The following PKD1L1 variants were observed in gnomAD, a reference collection of about 807,000 sequenced individuals.
PKD1L1 encodes polycystin 1 like 1, transient receptor potential channel interacting, also known as polycystin-1-like protein 1.
Under a neutral mutation model 323.4 loss-of-function variants are expected in PKD1L1, and 236 were observed. The observed-to-expected ratio is 0.73, with a 90% confidence interval of 0.66 to 0.81. The LOEUF is 0.81. PKD1L1 is among the 40% of genes least tolerant of loss of function. The pLI, the probability that PKD1L1 is intolerant of heterozygous loss-of-function variation, is 0.00. For synonymous variants in PKD1L1, 1,344 were observed against 1,335.0 expected, an observed-to-expected ratio of 1.01 and a Z score of -0.15; for missense variants, 3,320 against 3,508.0, an observed-to-expected ratio of 0.95 and a Z score of 1.35.
intron 33 of PKD1L1, among the ~76,000 whole-genome samples, chr7:47,844,501 A>G (rs957659212): frequency 1.3e-5 from 2 of 152,246 alleles, no homozygotes; most frequent in Non-Finnish European, 2.9e-5. Context: ...CTTTACTCAT[A>G]TCTCAGAGTC....
chr7:47,930,337 C>G (rs1458537000), intron 6 of PKD1L1, among the ~76,000 whole-genome samples: 1 of 151,854 alleles, frequency 6.6e-6, no homozygotes, highest in Non-Finnish European at 1.5e-5. Context: ...AACCCGGTCT[C>G]TACTAAAAAT....
intron 4 of PKD1L1, among the ~76,000 whole-genome samples, chr7:47,934,261 A>C (rs1787825931): frequency 6.6e-6 from 1 of 152,210 alleles, no homozygotes; most frequent in African/African-American, 2.4e-5. Context: ...ATTGAATCAC[A>C]ATCAATAAAA....
Position 47,803,323 on chromosome 7 carries a change from T to C in PKD1L1, c.7849A>G (p.Ile2617Val), listed in dbSNP as rs1784707217. The C allele has an allele frequency of 1.9e-6, 3 of 1,613,892 alleles. No homozygotes were observed. The highest frequency in any genetic ancestry group is 1.3e-5 in the African/African-American group (1 of 74,996). ...WNQRARWLRG[I>V]LLFLFTLKCV... The stretch of plus-strand genomic sequence containing the variant: ...TTTAATGTGAAGAGGAATAAGAGGA[T>C]TCCCCGGAGCCATCGAGCCCTCTGA... Residue 2617 changes from isoleucine (I) to valine (V), a missense_variant, in exon 53 of 57, where the codon ATC (isoleucine) becomes GTC (valine). Physicochemically the swap from Ile to Val is conservative, Grantham distance 29. Coordinates refer to ENST00000289672, the MANE Select transcript of PKD1L1 (RefSeq NM_138295.5).
chr7:47,959,685 C>T, the PKD1L1 span, among the ~76,000 whole-genome samples: 152 of 134,994 alleles, frequency 1.1e-3, 4 homozygotes, highest in African/African-American at 3.7e-3. Flanking sequence ...CCGCCCCGTC[C>T]GGGAGGGAGG....
intron 10 of PKD1L1, 84 bp downstream of exon 10, chr7:47,905,759 C>T (rs1787189733): frequency 1.3e-6 from 2 of 1,559,338 alleles, no homozygotes; most frequent in South Asian, 2.4e-5. Flanking sequence ...ATAACAAAAC[C>T]TGCTGCTGCC....
intron 54 of PKD1L1, among the ~76,000 whole-genome samples, chr7:47,797,987 A>G (rs1395685532): frequency 6.6e-6 from 1 of 152,248 alleles, no homozygotes; most frequent in Non-Finnish European, 1.5e-5. Context: ...GGATCAAAAA[A>G]GCTTAATATT....
intron 8 of PKD1L1, among the ~76,000 whole-genome samples, chr7:47,912,147 T>G (rs1347135028): frequency 6.6e-6 from 1 of 152,160 alleles, no homozygotes; most frequent in Admixed American, 6.5e-5. Context: ...TGAGGAATCG[T>G]TATCTTCTGA....
chr7:47,940,355 C>A, intron 2 of PKD1L1, 38 bp from the exon 3 acceptor site: 1 of 1,597,872 alleles, frequency 6.3e-7, no homozygotes, highest in Non-Finnish European at 8.5e-7. Flanking sequence ...CTGAAGACTG[C>A]AATGTGCTGG....
chr7:47,796,890 C>G (rs1039139330), intron 54 of PKD1L1, among the ~76,000 whole-genome samples: 4 of 150,578 alleles, frequency 2.7e-5, no homozygotes, highest in Non-Finnish European at 4.4e-5. Flanking sequence ...GTCCCAGCTA[C>G]TCGGGAGGCT....
intron 3 of PKD1L1, among the ~76,000 whole-genome samples, 166 bp downstream of exon 3, chr7:47,940,027 C>G (rs1787951571): frequency 6.6e-6 from 1 of 152,248 alleles, no homozygotes; most frequent in South Asian, 2.1e-4. Context: ...TGCTCTGGAG[C>G]TGAATTAAGG....
chr7:47,959,916 G>A, the PKD1L1 span, among the ~76,000 whole-genome samples: 1 of 151,774 alleles, frequency 6.6e-6, no homozygotes, highest in Admixed American at 6.6e-5. Flanking sequence ...TGGCGGTTTT[G>A]TGGAATAGAA....
chr7:47,878,589 C>T (rs1480788833), intron 21 of PKD1L1, among the ~76,000 whole-genome samples: 1 of 152,080 alleles, frequency 6.6e-6, no homozygotes, highest in African/African-American at 2.4e-5. Context: ...AAAGTAAAAC[C>T]CAGGAGAAAA....
rs1427772976 is a variant in PKD1L1 at position 47,839,936 on chromosome 7, T to C, written c.5553-274A>G. Among the ~76,000 whole-genome samples, 2 of 152,216 alleles carry C rather than the reference T, an allele frequency of 1.3e-5. No homozygotes were observed. The highest frequency in any genetic ancestry group is 2.9e-5 in the Non-Finnish European group (2 of 68,042). ...TACACAAATCTCGTTCATGTATTTG[T>C]CTCTGGTGTGGATTAGTCTAAAGTT... On this transcript the variant is annotated intron_variant, in intron 35 of 56. Transcript: ENST00000289672. This position sits in a 1 kb window ranked among gnomAD's most constrained non-coding sequence, Gnocchi z 4.3.
intron 8 of PKD1L1, among the ~76,000 whole-genome samples, chr7:47,908,729 T>G (rs1787259809): frequency 6.6e-6 from 1 of 152,236 alleles, no homozygotes; most frequent in African/African-American, 2.4e-5. Flanking sequence ...AATACAACTA[T>G]AATATGACTC....
At chr7:47,936,801 T>TGCA (rs766054742) in intron 4 of PKD1L1, 45 bp downstream of exon 4, 1 of 1,394,410 alleles carries the variant, frequency 7.2e-7, no homozygotes, top group South Asian at 1.2e-5. Flanking sequence ...CCATGTCATT[T>TGCA]GCATGTTCAG....
intron 21 of PKD1L1, among the ~76,000 whole-genome samples, chr7:47,880,308 G>GAT (rs1786522941): frequency 1.4e-5 from 1 of 69,260 alleles, no homozygotes; most frequent in Non-Finnish European, 2.5e-5. Flanking sequence ...TTTTGAGACA[G>GAT]TCTTGCTCTG....
chr7:47,933,232 A>G (rs1787806411), intron 4 of PKD1L1, among the ~76,000 whole-genome samples: 1 of 152,218 alleles, frequency 6.6e-6, no homozygotes, highest in African/African-American at 2.4e-5. Flanking sequence ...GACGCCAAGT[A>G]GCCAAAAAAT....
At chr7:47,894,218 T>TGTACG (rs1786888162) in intron 14 of PKD1L1, among the ~76,000 whole-genome samples, 159 bp from the exon 15 acceptor site, 2 of 152,198 alleles carry the variant, frequency 1.3e-5, no homozygotes, top group Non-Finnish European at 2.9e-5. Flanking sequence ...ACCACTCTAC[T>TGTACG]GTACGACATG....
At chr7:47,834,263 G>C in intron 40 of PKD1L1, 76 bp downstream of exon 40, 1 of 1,455,830 alleles carries the variant, frequency 6.9e-7, no homozygotes, top group South Asian at 1.2e-5. Flanking sequence ...CCATAGCCAA[G>C]GGAGGATGCC....
Sources: gnomAD v4.1 joint callset for allele counts (sites outside exome capture counted in the v4.1 genomes callset) on GRCh38, gnomAD v4.1.1 for gene constraint, Gnocchi (gnomAD v3.1) non-coding constraint, MANE v1.5 for transcripts, NCBI Gene and HGNC (gene_info 2026-07-23, HGNC 2026-07-21) for gene names.